Variants in GRM7 observed in about 807,000 individuals in gnomAD.
The protein encoded by GRM7 is metabotropic glutamate receptor 7.
Under a neutral mutation model 84.5 loss-of-function variants are expected in GRM7, and 35 were observed. The observed-to-expected ratio is 0.41, with a 90% CI of 0.32 to 0.55. The LOEUF is 0.55. Ranked by LOEUF, GRM7 falls within the 20% of genes least tolerant of loss-of-function variation. The pLI, the probability that GRM7 is intolerant of heterozygous loss-of-function variation, is 0.19. For missense variants in GRM7, 1,003 were observed against 1,194.6 expected (o/e 0.84, Z 2.36); for synonymous variants, 487 against 455.1 (o/e 1.07, Z -0.89).
chr3:7,649,230 C>T (rs978869877), intron 8 of GRM7, among the ~76,000 whole-genome samples: 2 of 151,928 alleles, frequency 1.3e-5, no homozygotes, highest in East Asian at 1.9e-4. Flanking sequence ...CTACCACGCC[C>T]GGCTAATTTT....
At chr3:6,891,442 T>C (rs1434360326) in intron 1 of GRM7, among the ~76,000 whole-genome samples, 1 of 152,212 alleles carries the variant, frequency 6.6e-6, no homozygotes, top group Non-Finnish European at 1.5e-5. Flanking sequence ...TAACAAAATC[T>C]CTCAGCATTT....
chr3:6,957,924 T>C (rs75321748), intron 1 of GRM7, among the ~76,000 whole-genome samples: 2,481 of 152,318 alleles, frequency 0.016, 61 homozygotes, highest in African/African-American at 0.056. Flanking sequence ...CAGACTGTTA[T>C]AATATAACGT....
At chr3:7,557,908 T>G (rs1325191163) in intron 7 of GRM7, among the ~76,000 whole-genome samples, 1 of 152,138 alleles carries the variant, frequency 6.6e-6, no homozygotes, top group Admixed American at 6.6e-5. Context: ...GGATCAATAT[T>G]AAATCACTGA....
chr3:7,469,545 C>G (rs960290634), intron 7 of GRM7, among the ~76,000 whole-genome samples: 10 of 152,154 alleles, frequency 6.6e-5, no homozygotes, highest in African/African-American at 2.4e-4. Context: ...AACTAATCAT[C>G]AAACCATTGA....
At position 7,001,367 on chromosome 3, in the gene GRM7, T is replaced by C. The variant is rs140357017; in HGVS notation, c.519+139460T>C. Among the ~76,000 whole-genome samples the C allele has an allele frequency of 1.0e-3, 158 of 152,154 alleles. 2 individuals are homozygous for C. The highest frequency in any genetic ancestry group is 3.5e-3 in the African/African-American group (147 of 41,540). On this transcript the variant is annotated intron_variant, in intron 1 of 9. Transcript: ENST00000357716. ...CCTGTCTCCAAAACTAAAAAAAAAT[T>C]AAAAATAAAGGCTATCTGTTTGTGC...
At chr3:7,615,646 A>G (rs1697047274) in intron 8 of GRM7, among the ~76,000 whole-genome samples, 2 of 152,074 alleles carry the variant, frequency 1.3e-5, no homozygotes, top group South Asian at 4.1e-4. Flanking sequence ...TTCCTAGGTT[A>G]TGGCCCTTTG....
chr3:7,618,621 C>T (rs1422569810), intron 8 of GRM7, among the ~76,000 whole-genome samples: 1 of 152,092 alleles, frequency 6.6e-6, no homozygotes, highest in East Asian at 1.9e-4. Flanking sequence ...CTCTATTAAA[C>T]TGAGTCTGGA....
intron 1 of GRM7, among the ~76,000 whole-genome samples, chr3:6,865,547 ATTT>A (rs34434467): frequency 6.8e-6 from 1 of 146,190 alleles, no homozygotes; most frequent in African/African-American, 2.5e-5. Context: ...ATTCAGGTGG[ATTT>A]TTTTTTTTTT....
intron 1 of GRM7, among the ~76,000 whole-genome samples, chr3:7,047,039 A>G (rs944602049): frequency 3.3e-5 from 5 of 152,016 alleles, no homozygotes; most frequent in African/African-American, 9.7e-5. Flanking sequence ...TGAAATTAGG[A>G]GGTTTCTTAT....
rs1019065769 is a variant in GRM7 at position 7,100,560 on chromosome 3, A to G, written c.520-45892A>G. ...ATGAGTGTACTGTGGAATACCACAA[A>G]AACATGGGGCTTGAATTTTTATGAG... On this transcript the variant is annotated intron_variant, in intron 1 of 9. Coordinates refer to ENST00000357716, the MANE Select transcript of GRM7 (RefSeq NM_000844.4). Among the ~76,000 whole-genome samples, 12 of 151,852 alleles carry G rather than the reference A, an allele frequency of 7.9e-5. 1 individual carries two copies. The highest frequency in any genetic ancestry group is 1.2e-4 in the Non-Finnish European group (8 of 67,836).
intron 9 of GRM7, among the ~76,000 whole-genome samples, chr3:7,730,587 A>G (rs1381031784): frequency 1.3e-5 from 2 of 152,360 alleles, no homozygotes; most frequent in African/African-American, 2.4e-5. Flanking sequence ...CAATAAATGT[A>G]TAAAGGAATG....
chr3:7,221,476 T>A (rs1482525015), intron 2 of GRM7, among the ~76,000 whole-genome samples: 1 of 152,140 alleles, frequency 6.6e-6, no homozygotes, highest in Non-Finnish European at 1.5e-5. Flanking sequence ...TTATTTATAT[T>A]CTGACTTTGT....
chr3:7,632,012 G>T (rs1697879421), intron 8 of GRM7, among the ~76,000 whole-genome samples: 1 of 152,176 alleles, frequency 6.6e-6, no homozygotes, highest in Non-Finnish European at 1.5e-5. Flanking sequence ...AGGCCTAAGG[G>T]AAGACAACTG....
chr3:7,208,819 A>G (rs1280158456), intron 2 of GRM7, among the ~76,000 whole-genome samples: 1 of 152,184 alleles, frequency 6.6e-6, no homozygotes, highest in Non-Finnish European at 1.5e-5. Context: ...GTGAACACCT[A>G]ATATGATCCT....
chr3:7,201,957 T>G (rs1394398411), intron 2 of GRM7, among the ~76,000 whole-genome samples: 1 of 152,220 alleles, frequency 6.6e-6, no homozygotes, highest in African/African-American at 2.4e-5. Flanking sequence ...TGGCCATGAC[T>G]GACCGTTTTT....
rs540983638 is a variant in GRM7, at chr3:7,441,458, A to G, written c.1175-11149A>G. Among the ~76,000 whole-genome samples the G allele has an allele frequency of 5.9e-5, 9 of 152,126 alleles. No homozygotes were observed. The East Asian group carries it at 1.7e-3, about 29-fold the overall frequency. ...TTTGGGTTGTCTGTTTACTCCATTG[A>G]TGGTTTCTTTTGCTGTGTAGAAGCT... On this transcript the variant is annotated intron_variant, in intron 5 of 9. Coordinates refer to ENST00000357716, the MANE Select transcript of GRM7 (RefSeq NM_000844.4).
At chr3:6,912,617 C>G (rs548010723) in intron 1 of GRM7, among the ~76,000 whole-genome samples, 1 of 152,112 alleles carries the variant, frequency 6.6e-6, no homozygotes, top group Non-Finnish European at 1.5e-5. Context: ...TGTTAGGAAG[C>G]TTTAACTTCA....
rs372879347 is a variant in GRM7, at chr3:6,861,515, A to G, written c.127A>G (p.Ile43Val). ...CCAGGAGATGTACGCCCCGCACTCA[A>G]TCCGGATCGAGGGGGACGTCACCCT... is the stretch of plus-strand genomic sequence containing the variant. The part of the protein sequence containing the change: ...RGQEMYAPHS[I>V]RIEGDVTLGG... Residue 43 changes from isoleucine to valine, a missense_variant, in exon 1 of 10, where the codon ATC becomes GTC. Transcript: ENST00000357716. This position sits in a 1 kb window ranked among gnomAD's most constrained non-coding sequence, Gnocchi z 6.4. 5.7e-6 allele frequency: 9 copies of G among 1,577,506 alleles called. No homozygotes were observed. The African/African-American group carries it at 1.1e-4, about 19-fold the overall frequency.
intron 1 of GRM7, among the ~76,000 whole-genome samples, chr3:7,033,751 T>C (rs1696277253): frequency 6.6e-6 from 1 of 152,206 alleles, no homozygotes; most frequent in Non-Finnish European, 1.5e-5. Context: ...GTCTTGAGTT[T>C]AGCATTCAAA....
Sources: gnomAD v4.1 joint callset for allele counts (sites outside exome capture counted in the v4.1 genomes callset) on GRCh38, gnomAD v4.1.1 for gene constraint, Gnocchi (gnomAD v3.1) non-coding constraint, MANE v1.5 for transcripts, NCBI Gene and HGNC (gene_info 2026-07-23, HGNC 2026-07-21) for gene names.